Variants in ABCC4 observed in about 807,000 individuals in gnomAD.
The protein encoded by ABCC4 is ATP binding cassette subfamily C member 4 (PEL blood group).
Under a neutral mutation model 168.5 loss-of-function variants are expected in ABCC4, and 102 were observed. That is an observed-to-expected ratio of 0.61 (90% CI 0.52 to 0.71). ABCC4 has a LOEUF of 0.71. Among genes scored for constraint, ABCC4 ranks in the 30% least tolerant of loss-of-function variants. ABCC4 has a pLI of 0.00. For synonymous variants in ABCC4, 617 were observed against 590.7 expected, an observed-to-expected ratio of 1.04 and a Z score of -0.65; for missense variants, 1,402 against 1,605.8, an observed-to-expected ratio of 0.87 and a Z score of 2.17.
chr13:95,236,102 G>C (rs533456053), intron 3 of ABCC4, among the ~76,000 whole-genome samples: 3 of 152,062 alleles, frequency 2.0e-5, no homozygotes, highest in African/African-American at 7.2e-5. Context: ...TTTGAGGTAA[G>C]CAAAGGAGCT....
At chr13:95,127,076 G>A (rs1301905361) in intron 19 of ABCC4, among the ~76,000 whole-genome samples, 1 of 151,562 alleles carries the variant, frequency 6.6e-6, no homozygotes, top group Non-Finnish European at 1.5e-5. Flanking sequence ...CTTCATCTTA[G>A]GGGGAATGTT....
chr13:95,131,532 G>A (rs2035963948), intron 19 of ABCC4, among the ~76,000 whole-genome samples: 1 of 152,138 alleles, frequency 6.6e-6, no homozygotes, highest in Admixed American at 6.5e-5. Flanking sequence ...GGGAGGCTGA[G>A]GCAGAAGAAT....
At chr13:95,043,610 T>A in intron 29 of ABCC4, 72 bp downstream of exon 29, 1 of 1,343,460 alleles carries the variant, frequency 7.4e-7, no homozygotes, top group Non-Finnish European at 1.0e-6. Flanking sequence ...TATCAAGTTT[T>A]ACAAGGAAGG....
intron 25 of ABCC4, 25 bp downstream of exon 25, chr13:95,071,637 A>T: frequency 7.2e-7 from 1 of 1,397,210 alleles, no homozygotes. Flanking sequence ...TGAAATTGAG[A>T]AGAGGCAAGA....
intron 1 of ABCC4, among the ~76,000 whole-genome samples, chr13:95,254,373 A>C (rs1305627594): frequency 1.3e-5 from 2 of 150,864 alleles, no homozygotes; most frequent in Non-Finnish European, 2.9e-5. Context: ...TTAAAAAAAA[A>C]CACAAAAAAC....
intron 1 of ABCC4, among the ~76,000 whole-genome samples, chr13:95,259,494 G>A (rs9590224): frequency 0.046 from 6,982 of 152,032 alleles, 535 homozygotes; most frequent in African/African-American, 0.16. Flanking sequence ...GTGTCGTCCC[G>A]TGCACTGTAG....
At chr13:95,056,648 GAAA>G (rs1272119900) in intron 26 of ABCC4, among the ~76,000 whole-genome samples, 1 of 63,328 alleles carries the variant, frequency 1.6e-5, no homozygotes, top group Admixed American at 1.6e-4. Context: ...TCAAAAAGAA[GAAA>G]AAAAAAAAAA....
rs1021086549 is a variant in ABCC4, at chr13:95,268,242, G to A, written c.75-20489C>T. 3.3e-5 allele frequency among the ~76,000 whole-genome samples: 5 copies of A among 152,178 alleles called. No individual in the cohort carries two copies. The East Asian group carries it at 9.6e-4, about 29-fold the overall frequency. ...GCAGGATGTGCTTTGCTAAACAAATGCTTGAAGACAGCGTGCTTCTTAAAA... is the reference window on the plus strand; with the variant it reads ...GCAGGATGTGCTTTGCTAAACAAATACTTGAAGACAGCGTGCTTCTTAAAA... On this transcript the variant is annotated intron_variant, in intron 1 of 30. Coordinates refer to ENST00000645237, the MANE Select transcript of ABCC4 (RefSeq NM_005845.5).
chr13:95,069,502 G>A (rs978075956), intron 25 of ABCC4, among the ~76,000 whole-genome samples: 1 of 152,208 alleles, frequency 6.6e-6, no homozygotes, highest in African/African-American at 2.4e-5. Context: ...AAAATGTTCA[G>A]TTCAATTATA....
chr13:95,062,403 G>C (rs2033331058), intron 26 of ABCC4, among the ~76,000 whole-genome samples: 2 of 151,732 alleles, frequency 1.3e-5, no homozygotes, highest in African/African-American at 2.4e-5. Context: ...AACAAACAAT[G>C]CATCATTTTG....
chr13:95,101,546 G>GT (rs1215978229), intron 20 of ABCC4, among the ~76,000 whole-genome samples: 5 of 151,960 alleles, frequency 3.3e-5, no homozygotes, highest in East Asian at 1.9e-4. Context: ...TTTTTCATTT[G>GT]TTTTTTTCTA....
chr13:95,150,140 A>AT (rs1466853805), intron 19 of ABCC4, among the ~76,000 whole-genome samples: 2 of 151,744 alleles, frequency 1.3e-5, no homozygotes, highest in Admixed American at 1.3e-4. Context: ...TGCACAGCTA[A>AT]TTTTTTTTAG....
chr13:95,062,668 T>TA lies in ABCC4; in HGVS notation c.3366+35dup, dbSNP rs762185878. The TA allele has an allele frequency of 3.8e-6, 6 of 1,569,454 alleles. No homozygotes were observed. The South Asian group carries it at 5.9e-5, about 15-fold the overall frequency. ...AAGCAATTAAACATAGTAGCTCTTATAAAAGGGGCAGGTAAGGACGCTATG... is the reference window on the plus strand; with the variant it reads ...AAGCAATTAAACATAGTAGCTCTTATAAAAAGGGGCAGGTAAGGACGCTATG... On this transcript the variant is annotated intron_variant, in intron 26 of 30. Coordinates refer to ENST00000645237, the MANE Select transcript of ABCC4 (RefSeq NM_005845.5).
intron 13 of ABCC4, among the ~76,000 whole-genome samples, chr13:95,171,816 T>G (rs1380062132): frequency 6.6e-6 from 1 of 152,176 alleles, no homozygotes; most frequent in Non-Finnish European, 1.5e-5. Flanking sequence ...AAAGGATTAT[T>G]TTTTCCCCTT....
intron 29 of ABCC4, among the ~76,000 whole-genome samples, chr13:95,036,050 A>G (rs1477983991): frequency 1.3e-5 from 2 of 152,226 alleles, no homozygotes; most frequent in Non-Finnish European, 2.9e-5. Context: ...TCACATCCAC[A>G]TAACAATTAA....
At chr13:95,176,695 C>A (rs1387931787) in intron 13 of ABCC4, among the ~76,000 whole-genome samples, 1 of 152,190 alleles carries the variant, frequency 6.6e-6, no homozygotes, top group Non-Finnish European at 1.5e-5. Flanking sequence ...CCCTCCTCTG[C>A]AAGCGAAGAT....
chr13:95,194,068 C>T (rs933882470), intron 9 of ABCC4, among the ~76,000 whole-genome samples: 1 of 152,218 alleles, frequency 6.6e-6, no homozygotes, highest in Non-Finnish European at 1.5e-5. Flanking sequence ...AGGGAGCCCA[C>T]TGCTTCCTTG....
intron 1 of ABCC4, among the ~76,000 whole-genome samples, chr13:95,262,216 G>C (rs2040550496): frequency 1.3e-5 from 2 of 152,202 alleles, no homozygotes; most frequent in Admixed American, 1.3e-4. Context: ...CGTGGCTGGG[G>C]CCCTGGTGAC....
chr13:95,284,077 C>T (rs2041198020), intron 1 of ABCC4, among the ~76,000 whole-genome samples: 1 of 146,014 alleles, frequency 6.8e-6, no homozygotes, highest in South Asian at 2.2e-4. Flanking sequence ...TGGCATGTGT[C>T]GTATGCCTGT....
Sources: gnomAD v4.1 joint callset for allele counts (sites outside exome capture counted in the v4.1 genomes callset) on GRCh38, gnomAD v4.1.1 for gene constraint, MANE v1.5 for transcripts, NCBI Gene and HGNC (gene_info 2026-07-23, HGNC 2026-07-21) for gene names.